Variants in RSAD2 observed in about 807,000 individuals in gnomAD.
RSAD2 encodes the protein S-adenosylmethionine-dependent nucleotide dehydratase RSAD2.
A neutral mutation model predicts 37.7 loss-of-function variants in RSAD2; 38 were observed. The ratio of observed to expected loss-of-function variants is 1.01; its 90% CI spans 0.78 to 1.32. The LOEUF (loss-of-function observed/expected upper bound fraction) is 1.32. Among genes scored for constraint, RSAD2 ranks in the 40% most tolerant of loss-of-function variants. The probability of loss-of-function intolerance (pLI) is 0.00; values close to 1 mark genes in which losing one functional copy is unlikely to be tolerated. For missense variants in RSAD2, 428 were observed against 437.5 expected, an observed-to-expected ratio of 0.98 and a Z score of 0.19; for synonymous variants, 163 against 157.4, an observed-to-expected ratio of 1.04 and a Z score of -0.27.
chr2:6,875,584 C>T (rs762945729), upstream of RSAD2, among the ~76,000 whole-genome samples: 41 of 152,192 alleles, frequency 2.7e-4, no homozygotes, highest in Non-Finnish European at 4.9e-4. Context: ...CTTTGGGCTT[C>T]CATACACTTC....
intron 2 of RSAD2, among the ~76,000 whole-genome samples, chr2:6,884,400 G>C (rs1192906675): frequency 1.3e-5 from 2 of 152,168 alleles, no homozygotes. Context: ...AAACCAAAAT[G>C]GTAGTGAAGG....
upstream of RSAD2, among the ~76,000 whole-genome samples, chr2:6,874,204 ATTTT>A: frequency 6.6e-6 from 1 of 152,004 alleles, no homozygotes; most frequent in South Asian, 2.1e-4. Context: ...TTCTGTCATG[ATTTT>A]AAGTTTCCTG....
chr2:6,879,099 T>G (rs943920876), intron 1 of RSAD2: 2 of 455,912 alleles, frequency 4.4e-6, no homozygotes, highest in African/African-American at 4.0e-5. Flanking sequence ...CTGTACTTTA[T>G]ATAAATGAAA....
chr2:6,868,778 G>T (rs556514229), intron 1 of RSAD2, among the ~76,000 whole-genome samples: 1 of 152,308 alleles, frequency 6.6e-6, no homozygotes, highest in East Asian at 1.9e-4. Flanking sequence ...GGGAAGAGTT[G>T]CCATAACAGG....
chr2:6,885,666 C>A (rs1447487999), intron 2 of RSAD2, among the ~76,000 whole-genome samples: 1 of 152,136 alleles, frequency 6.6e-6, no homozygotes, highest in Non-Finnish European at 1.5e-5. Context: ...GGACACATAG[C>A]AAAAGTTGGA....
intron 4 of RSAD2, 95 bp downstream of exon 4, chr2:6,890,420 T>C: frequency 1.5e-6 from 2 of 1,339,546 alleles, no homozygotes; most frequent in Non-Finnish European, 2.1e-6. Flanking sequence ...CACATTGTTA[T>C]TTTAGAGGGT....
chr2:6,871,388 G>T (rs1395778584), intron 1 of RSAD2, among the ~76,000 whole-genome samples: 1 of 152,174 alleles, frequency 6.6e-6, no homozygotes, highest in Non-Finnish European at 1.5e-5. Context: ...TCATCTGTGT[G>T]TTTTCTTGTC....
In RSAD2 at chr2:6,897,778, C is replaced by T. The variant is rs750445281; in HGVS notation, c.*1836C>T. ...ACTTGGGAGGACAATGTGGGTGGAT[C>T]ACGAGGTCAGGAGTTCGAGAACAGC... is the stretch of plus-strand genomic sequence containing the variant. On this transcript the variant is annotated 3_prime_UTR_variant, in exon 6 of 6. Coordinates refer to ENST00000382040, the MANE Select transcript of RSAD2 (RefSeq NM_080657.5). The T allele has an allele frequency of 2.0e-5, 3 of 152,164 alleles. No homozygotes were observed. Among genetic ancestry groups the T allele is most frequent in the Non-Finnish European group, 2.9e-5 (2 of 68,058 alleles). 9.4% of individuals were successfully genotyped at this position (152,164 alleles called of 1,614,324 possible).
intron 5 of RSAD2, among the ~76,000 whole-genome samples, chr2:6,894,203 G>A (rs1365214682): frequency 6.6e-6 from 1 of 152,098 alleles, no homozygotes; most frequent in East Asian, 1.9e-4. Context: ...AAACACCACT[G>A]ATATTATTCC....
intron 1 of RSAD2, among the ~76,000 whole-genome samples, chr2:6,882,181 C>T (rs906516805): frequency 6.6e-6 from 1 of 152,076 alleles, no homozygotes; most frequent in Non-Finnish European, 1.5e-5. Flanking sequence ...CTATTTTGTG[C>T]CATACTGAAA....
At chr2:6,886,093 C>T (rs537643847) in intron 2 of RSAD2, among the ~76,000 whole-genome samples, 40 of 152,190 alleles carry the variant, frequency 2.6e-4, no homozygotes, top group Middle Eastern at 3.4e-3. Context: ...GAAAAAGAGT[C>T]GACTCTTAAA....
At chr2:6,883,194 A>T (rs930577174) in intron 1 of RSAD2, among the ~76,000 whole-genome samples, 177 bp from the exon 2 acceptor site, 3 of 152,226 alleles carry the variant, frequency 2.0e-5, no homozygotes, top group Non-Finnish European at 4.4e-5. Context: ...TTAGATCCCG[A>T]ATTAAACATA....
chr2:6,888,905 G>A (rs1038915679), intron 3 of RSAD2, among the ~76,000 whole-genome samples: 3 of 152,298 alleles, frequency 2.0e-5, no homozygotes, highest in Non-Finnish European at 2.9e-5. Flanking sequence ...GTCACCAGCC[G>A]TGTCCCCGGG....
rs898700910 is a variant in RSAD2 at position 6,891,195 on chromosome 2, G to GA, written c.888+878dup. ...AATGGGCATAAATAGATAATTTACA[G>GA]AAAAAAAACAAATGGTGAATAAACA... On this transcript the variant is annotated intron_variant, in intron 4 of 5. Transcript: ENST00000382040. Among the ~76,000 whole-genome samples the GA allele has an allele frequency of 9.3e-5, 14 of 151,124 alleles. No homozygotes were observed. In the East Asian group the frequency reaches 9.7e-4, roughly 10 times the overall value.
intron 3 of RSAD2, among the ~76,000 whole-genome samples, chr2:6,887,820 G>A (rs148766625): frequency 1.3e-5 from 2 of 152,356 alleles, no homozygotes; most frequent in East Asian, 1.9e-4. Context: ...GGCCTGTGGT[G>A]AAGGTAAGCA....
At chr2:6,879,968 A>G (rs564274274) in intron 1 of RSAD2, among the ~76,000 whole-genome samples, 4 of 152,310 alleles carry the variant, frequency 2.6e-5, no homozygotes, top group African/African-American at 9.6e-5. Context: ...TCTTTAGATA[A>G]TAATGATAAC....
chr2:6,865,925 C>T (rs2103231674), exon 1 of RSAD2: 1 of 1,386,108 alleles, frequency 7.2e-7, no homozygotes, highest in Admixed American at 2.7e-5. Context: ...AAACGGCCGG[C>T]GCTCGGGAGC....
chr2:6,883,966 A>G (rs549698045), intron 2 of RSAD2: 6 of 160,818 alleles, frequency 3.7e-5, no homozygotes, highest in African/African-American at 1.2e-4. Context: ...GGATTCCACC[A>G]TGTAGCCAGG....
rs370000240 is a variant in RSAD2, at chr2:6,872,764, G to A, written c.142+6719G>A. 3.1e-3 allele frequency among the ~76,000 whole-genome samples: 465 copies of A among 152,228 alleles called. 5 individuals carry two copies. Among genetic ancestry groups the A allele is most frequent in the African/African-American group, 0.011 (440 of 41,554 alleles). On this transcript the variant is annotated intron_variant, in intron 1 of 5. Transcript: ENST00000442639. Reference sequence around the variant, plus strand: ...GGTTGGCTACAATTGAAAAGAAATCGTATATGAGTCTTTCTCAGGATTAAA... The same window carrying A: ...GGTTGGCTACAATTGAAAAGAAATCATATATGAGTCTTTCTCAGGATTAAA...
Sources: allele counts gnomAD v4.1 joint callset (sites outside exome capture counted in the v4.1 genomes callset), GRCh38; gene constraint gnomAD v4.1.1; transcripts MANE v1.5; gene names NCBI Gene and HGNC (gene_info 2026-07-23, HGNC 2026-07-21).